Variants in SIK3 observed in about 807,000 individuals in gnomAD.
SIK3 encodes the protein serine/threonine-protein kinase SIK3.
SIK3 carries 28 observed loss-of-function variants against 144.2 expected under a neutral mutation model. The ratio of observed to expected loss-of-function variants is 0.19; its 90% confidence interval spans 0.14 to 0.27. The LOEUF (loss-of-function observed/expected upper bound fraction) is 0.27. SIK3 is among the 10% of genes least tolerant of loss of function. The probability of loss-of-function intolerance (pLI) is 1.00; values close to 1 mark genes in which losing one functional copy is unlikely to be tolerated. For missense variants in SIK3, 1,319 were observed against 1,776.0 expected (o/e 0.74, Z 4.62); for synonymous variants, 686 against 676.3 (o/e 1.01, Z -0.22).
At chr11:117,034,772 CTCCTCTTTCA>C (rs1952420846) in intron 1 of SIK3, among the ~76,000 whole-genome samples, 1 of 152,162 alleles carries the variant, frequency 6.6e-6, no homozygotes, top group Non-Finnish European at 1.5e-5. Flanking sequence ...GTTCCAGAAT[CTCCTCTTTCA>C]TTTGTGAATC....
rs555049735 is a variant in SIK3, at chr11:117,027,300, G to A, written c.274-70236C>T. On this transcript the variant is annotated intron_variant, in intron 1 of 24. Coordinates refer to ENST00000445177, the MANE Select transcript of SIK3 (RefSeq NM_001366686.3). ...GTACACAAGTTTGTCACTGCTGATC[G>A]TTAGAAAAGTCAAACCACATTCAAA... Among the ~76,000 whole-genome samples the A allele has an allele frequency of 2.2e-4, 34 of 152,266 alleles. 1 individual carries two copies. Among genetic ancestry groups the A allele is most frequent in the African/African-American group, 5.8e-4 (24 of 41,560 alleles).
At chr11:117,063,553 G>A (rs568968058) in intron 1 of SIK3, among the ~76,000 whole-genome samples, 62 of 151,018 alleles carry the variant, frequency 4.1e-4, no homozygotes, top group Non-Finnish European at 8.1e-4. Context: ...ATCAAGGAGA[G>A]CATACCCAGG....
At chr11:116,992,764 T>A (rs1950540660) in intron 1 of SIK3, among the ~76,000 whole-genome samples, 1 of 152,090 alleles carries the variant, frequency 6.6e-6, no homozygotes, top group African/African-American at 2.4e-5. Flanking sequence ...GCAGGAGGAC[T>A]CTTGAGCCCA....
At chr11:116,892,489 G>C (rs1282370662) in intron 6 of SIK3, among the ~76,000 whole-genome samples, 2 of 152,162 alleles carry the variant, frequency 1.3e-5, no homozygotes, top group African/African-American at 4.8e-5. Context: ...TACATCATTA[G>C]AGAATTAAAA....
chr11:116,869,051 A>C lies in SIK3; in HGVS notation c.1809-962T>G, dbSNP rs1943811961. 2.6e-5 allele frequency: 4 copies of C among 152,320 alleles called. No homozygotes were observed. The South Asian group carries it at 6.2e-4, about 24-fold the overall frequency. 9.4% of individuals were successfully genotyped at this position (152,320 alleles called of 1,614,324 possible). A position where few individuals can be genotyped will look rare whatever the true frequency, so the allele number is the denominator to read the frequency against. On this transcript the variant is annotated intron_variant, in intron 14 of 24. Transcript: ENST00000445177. ...AGGAAAGTCTAAGACAAAGAAGATAAAATATTGCTGTCTCTTTTAAGGTAG... is the reference window on the plus strand; with the variant it reads ...AGGAAAGTCTAAGACAAAGAAGATACAATATTGCTGTCTCTTTTAAGGTAG...
At chr11:117,061,795 T>C (rs1289574122) in intron 1 of SIK3, among the ~76,000 whole-genome samples, 1 of 152,056 alleles carries the variant, frequency 6.6e-6, no homozygotes, top group African/African-American at 2.4e-5. Flanking sequence ...AAAATGTCAA[T>C]AAATAAGCAG....
intron 1 of SIK3, among the ~76,000 whole-genome samples, chr11:116,972,098 A>G (rs963230837): frequency 8.6e-5 from 13 of 152,014 alleles, no homozygotes; most frequent in Non-Finnish European, 1.3e-4. Flanking sequence ...AAAAAAAAAA[A>G]AAAAGAAAAG....
chr11:116,869,914 G>A (rs1342092572), intron 14 of SIK3: 7 of 372,328 alleles, frequency 1.9e-5, no homozygotes, highest in Non-Finnish European at 3.6e-5. Context: ...TCCTGGAAAG[G>A]AAAAGTCCAT....
intron 1 of SIK3, among the ~76,000 whole-genome samples, chr11:117,054,917 AG>A (rs569302698): frequency 3.0e-4 from 46 of 152,354 alleles, no homozygotes; most frequent in African/African-American, 1.0e-3. Flanking sequence ...CAGGACAAAA[AG>A]GGGATCAGCA....
At chr11:117,020,941 C>T (rs1951739684) in intron 1 of SIK3, among the ~76,000 whole-genome samples, 1 of 152,178 alleles carries the variant, frequency 6.6e-6, no homozygotes, top group Non-Finnish European at 1.5e-5. Flanking sequence ...CCACCTGGAG[C>T]CTGTGACTGG....
chr11:117,069,029 G>C (rs180851326), intron 1 of SIK3, among the ~76,000 whole-genome samples: 1 of 152,208 alleles, frequency 6.6e-6, no homozygotes, highest in Admixed American at 6.5e-5. Context: ...CAGATAGATT[G>C]AAACTTAAGG....
intron 1 of SIK3, among the ~76,000 whole-genome samples, chr11:117,074,409 T>G (rs1954413382): frequency 6.6e-6 from 1 of 152,194 alleles, no homozygotes; most frequent in Non-Finnish European, 1.5e-5. Flanking sequence ...TCAGAAGACC[T>G]TGGTTCTACC....
Position 116,873,921 on chromosome 11 carries a change from G to A in SIK3, c.1563C>T (p.Thr521=), listed in dbSNP as rs376066531. 2.3e-5 allele frequency: 37 copies of A among 1,612,668 alleles called. No homozygotes were observed. The highest frequency in any genetic ancestry group is 1.8e-4 in the East Asian group (8 of 44,840). ...NLLPMQNLQP[T]GQLEYKEQSL... ...TAGGTACCTTGTACTCAAGTTGCCC[G>A]GTTGGTTGCAAGTTTTGCATAGGCA... The change falls in exon 12 of 25, where the codon ACC becomes ACT. Residue 521 remains threonine, a synonymous_variant. Transcript: ENST00000445177.
chr11:116,939,208 C>T (rs1237434241), intron 3 of SIK3, among the ~76,000 whole-genome samples: 23 of 152,234 alleles, frequency 1.5e-4, no homozygotes, highest in South Asian at 2.1e-4. Flanking sequence ...AGTGCAATGG[C>T]GCGGACTCAG....
intron 1 of SIK3, among the ~76,000 whole-genome samples, chr11:117,013,911 G>GTGTGTGTGTGTGTGTGTGTGTATAT (rs1565556646): frequency 3.5e-5 from 1 of 28,444 alleles, no homozygotes; most frequent in African/African-American, 7.8e-5. Flanking sequence ...GGGGGGGGGG[G>GTGTGTGTGTGTGTGTGTGTGTATAT]GAGGGTGTGT....
At chr11:117,088,434 T>G (rs1955108245) in intron 1 of SIK3, among the ~76,000 whole-genome samples, 1 of 152,156 alleles carries the variant, frequency 6.6e-6, no homozygotes. Context: ...TTTAACATCT[T>G]AACTATAGAT....
intron 1 of SIK3, among the ~76,000 whole-genome samples, chr11:117,033,970 G>A (rs1253310326): frequency 1.3e-5 from 2 of 152,008 alleles, no homozygotes; most frequent in East Asian, 3.9e-4. Flanking sequence ...CACCTTTTAT[G>A]ACAAGAAAAA....
rs1565345727 is a variant in SIK3 at position 116,844,642 on chromosome 11, A to ATATATATAATATATATATAATATATATAT, written c.*1000_*1001insATATATATATTATATATATATTATATATA. ...TAATATATATATAATATATTATATT[A>ATATATATAATATATATATAATATATATAT]TATATTATATATATAATATATATAT... On this transcript the variant is annotated 3_prime_UTR_variant, in exon 25 of 25. Coordinates refer to ENST00000445177, the MANE Select transcript of SIK3 (RefSeq NM_001366686.3). 0.056 allele frequency: 4,434 copies of ATATATATAATATATATATAATATATATAT among 79,172 alleles called. 218 individuals are homozygous for ATATATATAATATATATATAATATATATAT. The highest frequency in any genetic ancestry group is 0.073 in the Middle Eastern group (14 of 192). The allele number at this position is 79,172 out of a possible 1,614,324, so 4.9% of individuals were successfully genotyped here.
At chr11:117,096,761 G>C (rs1312321695) in intron 1 of SIK3, among the ~76,000 whole-genome samples, 1 of 152,130 alleles carries the variant, frequency 6.6e-6, no homozygotes, top group Non-Finnish European at 1.5e-5. Flanking sequence ...GGTGGGGAAG[G>C]AACTTCAGGT....
Sources: gnomAD v4.1 joint callset for allele counts (sites outside exome capture counted in the v4.1 genomes callset) on GRCh38, gnomAD v4.1.1 for gene constraint, MANE v1.5 for transcripts, NCBI Gene and HGNC (gene_info 2026-07-23, HGNC 2026-07-21) for gene names.